DOCK9: variants seen among roughly 807,000 people sequenced by gnomAD.
The protein encoded by DOCK9 is dedicator of cytokinesis protein 9.
DOCK9 carries 89 observed loss-of-function variants against 263.3 expected under a neutral mutation model. That is an observed-to-expected ratio of 0.34 (90% CI 0.28 to 0.40). The LOEUF (loss-of-function observed/expected upper bound fraction) is 0.40. Ranked by LOEUF, DOCK9 falls within the 10% of genes least tolerant of loss-of-function variation. The pLI, the probability that DOCK9 is intolerant of heterozygous loss-of-function variation, is 1.00. For missense variants in DOCK9, 2,140 were observed against 2,603.4 expected (o/e 0.82, Z 3.87); for synonymous variants, 976 against 973.1 (o/e 1.00, Z -0.06).
At chr13:98,897,444 C>T in intron 15 of DOCK9, 44 bp downstream of exon 15, 1 of 1,609,168 alleles carries the variant, frequency 6.2e-7, no homozygotes. Flanking sequence ...CCCCACTACA[C>T]AGCTTCTATT....
At position 98,977,797 on chromosome 13, in the gene DOCK9, G is replaced by A. The variant is rs201902059; in HGVS notation, c.113C>T (p.Pro38Leu). 200 of 1,611,660 alleles carry A rather than the reference G, an allele frequency of 1.2e-4. No individual in the cohort carries two copies. In the African/African-American group the frequency reaches 1.9e-3, roughly 16 times the overall value. The part of the protein sequence containing the change: ...AAQGEVEAES[P>L]GPVPAKPKLI... ...AGACCCTCTTACCGGCACAGGGCCCGGGCTCTCTGCTTCCACTTCGCCCTG... is the reference window on the plus strand; with the variant it reads ...AGACCCTCTTACCGGCACAGGGCCCAGGCTCTCTGCTTCCACTTCGCCCTG... Residue 38 changes from proline (P) to leucine (L), a missense_variant, in exon 1 of 53, where the codon CCG (proline) becomes CTG (leucine). Physicochemically the swap from Pro to Leu is moderately conservative, Grantham distance 98. Around this residue, in one of 2 missense-constraint regions of DOCK9, gnomAD observed 1,521 missense variants for 1,741.7 expected, o/e 0.87. Transcript: ENST00000682017.
chr13:98,954,303 G>C (rs558113943), intron 2 of DOCK9, among the ~76,000 whole-genome samples: 1 of 152,006 alleles, frequency 6.6e-6, no homozygotes, highest in Non-Finnish European at 1.5e-5. Context: ...AACAGCATCA[G>C]GTAGAGAAGT....
At chr13:98,952,639 G>A (rs9517507) in intron 2 of DOCK9, among the ~76,000 whole-genome samples, 28,115 of 152,144 alleles carry the variant, frequency 0.18, 2,972 homozygotes, top group East Asian at 0.44. Context: ...CATGCAACCC[G>A]CAAATCTTTT....
rs532846924 is a variant in DOCK9, at chr13:99,010,175, A to C, written c.130-54624T>G. ...GCTGACAGGGTCCTAGCTGCTGTTA[A>C]AGTTCTAACCGAGCAAGTTCTTCCA... is the stretch of plus-strand genomic sequence containing the variant. On this transcript the variant is annotated intron_variant, in intron 1 of 32. Transcript: ENST00000427887. 2.0e-5 allele frequency among the ~76,000 whole-genome samples: 3 copies of C among 152,312 alleles called. No individual in the cohort carries two copies. The South Asian group carries it at 6.2e-4, about 32-fold the overall frequency.
chr13:99,031,144 C>A (rs1887302091), intron 1 of DOCK9, among the ~76,000 whole-genome samples: 1 of 151,836 alleles, frequency 6.6e-6, no homozygotes, highest in Admixed American at 6.6e-5. Flanking sequence ...ATCCTTATCA[C>A]TTTTTAAAAT....
intron 1 of DOCK9, among the ~76,000 whole-genome samples, chr13:99,051,069 T>A (rs1267334582): frequency 1.3e-5 from 2 of 151,938 alleles, no homozygotes; most frequent in African/African-American, 4.8e-5. Context: ...ACCCCTCCCC[T>A]CTCCATCCAG....
chr13:98,935,039 G>A (rs1269286721), intron 2 of DOCK9, among the ~76,000 whole-genome samples: 7 of 152,156 alleles, frequency 4.6e-5, no homozygotes, highest in African/African-American at 1.4e-4. Flanking sequence ...AGAGAAAAGA[G>A]CACAGAAGCA....
intron 1 of DOCK9, among the ~76,000 whole-genome samples, chr13:99,059,881 G>A (rs1171938840): frequency 6.6e-6 from 1 of 151,914 alleles, no homozygotes; most frequent in Non-Finnish European, 1.5e-5. Flanking sequence ...TCTGGACATC[G>A]CGTATAAATG....
chr13:98,837,526 C>T lies in DOCK9; in HGVS notation c.4282G>A (p.Asp1428Asn), dbSNP rs1325965407. The change falls in exon 39 of 53, where the codon GAC (aspartate) becomes AAC (asparagine). Residue 1428 changes from aspartate to asparagine, a missense_variant. Physicochemically the swap from Asp to Asn is conservative, Grantham distance 23. Transcript: ENST00000682017. The stretch of plus-strand genomic sequence containing the variant: ...GCCAATGTAAATAGAGAAAGCGTGT[C>T]CAGAGCTGTCAGGCAAACCTCAGTA... ...IATEVCLTALDTLSLFTLAFK... is the reference protein window; with the variant it reads ...IATEVCLTALNTLSLFTLAFK... 1 of 1,613,506 alleles carries T rather than the reference C, an allele frequency of 6.2e-7. No homozygotes were observed. The highest frequency in any genetic ancestry group is 1.7e-5 in the Admixed American group (1 of 60,008).
At chr13:98,896,904 A>G (rs1307867620) in intron 15 of DOCK9, among the ~76,000 whole-genome samples, 2 of 152,196 alleles carry the variant, frequency 1.3e-5, no homozygotes, top group Non-Finnish European at 2.9e-5. Flanking sequence ...ATCAGTTAAG[A>G]TGAGGTCACT....
At chr13:98,852,077 T>C (rs1308064530) in intron 35 of DOCK9, among the ~76,000 whole-genome samples, 1 of 152,240 alleles carries the variant, frequency 6.6e-6, no homozygotes, top group Non-Finnish European at 1.5e-5. Flanking sequence ...GTTATGTTCT[T>C]ATTATAGGTC....
At chr13:98,886,496 G>A in intron 19 of DOCK9, 36 bp downstream of exon 19, 1 of 1,585,156 alleles carries the variant, frequency 6.3e-7, no homozygotes. Flanking sequence ...CCTTAAAACT[G>A]GTCAAATTCG....
chr13:98,794,282 C>T lies in DOCK9; in HGVS notation c.*344G>A, dbSNP rs778820002. The T allele has an allele frequency of 8.7e-6, 2 of 230,316 alleles. No individual in the cohort carries two copies. The highest frequency in any genetic ancestry group is 1.7e-5 in the Non-Finnish European group (2 of 119,668). 14.3% of individuals were successfully genotyped at this position (230,316 alleles called of 1,614,324 possible). ...CAGGCATCAATGTCAGTGCAGCCCT[C>T]CCTGCCATGTAGATCCCAGAACCTT... is the stretch of plus-strand genomic sequence containing the variant. On this transcript the variant is annotated 3_prime_UTR_variant, in exon 53 of 53. Transcript: ENST00000682017.
chr13:99,031,613 A>G (rs967942233), intron 1 of DOCK9, among the ~76,000 whole-genome samples: 2 of 152,218 alleles, frequency 1.3e-5, no homozygotes, highest in African/African-American at 4.8e-5. Flanking sequence ...TTTTTCATCA[A>G]CTGAAAGGGG....
Position 98,829,400 on chromosome 13 carries a change from G to A in DOCK9, c.4872C>T (p.Ser1624=). ...DPEMLVDLQY[S]LAKSYASTPE... ...GCGTGCTGGCATAGGATTTGGCCAG[G>A]CTGTACTGGAGGTCCACCAGCATCT... The change falls in exon 43 of 53, where the codon AGC becomes AGT. Residue 1624 remains serine (S), a synonymous_variant. Transcript: ENST00000682017. This position sits in a 1 kb window ranked among gnomAD's most constrained non-coding sequence, Gnocchi z 4.1. 1 of 1,613,912 alleles carries A rather than the reference G, an allele frequency of 6.2e-7. No homozygotes were observed. Among genetic ancestry groups the A allele is most frequent in the Non-Finnish European group, 8.5e-7 (1 of 1,179,890 alleles).
chr13:98,867,550 TGTGTA>T lies in DOCK9; in HGVS notation c.3175-19_3175-15del. 6.7e-7 allele frequency: 1 copy of T among 1,491,406 alleles called. No homozygotes were observed. Among genetic ancestry groups the T allele is most frequent in the Non-Finnish European group, 9.3e-7 (1 of 1,075,982 alleles). 92.4% of individuals were successfully genotyped at this position (1,491,406 alleles called of 1,614,324 possible). On this transcript the variant is annotated splice_polypyrimidine_tract_variant and intron_variant, in intron 29 of 52. Coordinates refer to ENST00000682017, the MANE Select transcript of DOCK9 (RefSeq NM_001366683.2). ...TTCAAAGAGGGTCTGCAGGAAGAAGTGTGTAGTCATAAATACCTCACTGGATATTT... is the reference window on the plus strand; with the variant it reads ...TTCAAAGAGGGTCTGCAGGAAGAAGTGTCATAAATACCTCACTGGATATTT...
chr13:98,925,154 ACT>A (rs1264923539), intron 4 of DOCK9, among the ~76,000 whole-genome samples: 4 of 151,762 alleles, frequency 2.6e-5, no homozygotes, highest in Non-Finnish European at 5.9e-5. Context: ...ACAGAGCAAG[ACT>A]CTGTCTCAAA....
intron 39 of DOCK9, 41 bp from the exon 40 acceptor site, chr13:98,831,827 A>G: frequency 6.2e-7 from 1 of 1,605,730 alleles, no homozygotes; most frequent in South Asian, 1.1e-5. Context: ...CATACCAGTC[A>G]CCTCTAGTAG....
At chr13:98,961,260 A>G (rs2058608867) in intron 1 of DOCK9, among the ~76,000 whole-genome samples, 1 of 152,188 alleles carries the variant, frequency 6.6e-6, no homozygotes, top group South Asian at 2.1e-4. Flanking sequence ...CAGAGCCCCC[A>G]CTTAGCTAGG....
Sources: gnomAD v4.1 joint callset for allele counts (sites outside exome capture counted in the v4.1 genomes callset) on GRCh38, gnomAD v4.1.1 for gene constraint, gnomAD v4.1.1 regional missense constraint, Gnocchi (gnomAD v3.1) non-coding constraint, MANE v1.5 for transcripts, NCBI Gene and HGNC (gene_info 2026-07-23, HGNC 2026-07-21) for gene names.